BMPR1B: variants seen among roughly 807,000 people sequenced by gnomAD.
The protein encoded by BMPR1B is bone morphogenetic protein receptor type 1B, also known as bone morphogenetic protein receptor type-1B.
BMPR1B carries 12 observed loss-of-function variants against 59.1 expected under a neutral mutation model. That is an observed-to-expected ratio of 0.20 (90% CI 0.13 to 0.33). BMPR1B has a LOEUF of 0.33. Ranked by LOEUF, BMPR1B falls within the 10% of genes least tolerant of loss-of-function variation. The probability of loss-of-function intolerance (pLI) is 1.00; values close to 1 mark genes in which losing one functional copy is unlikely to be tolerated. For missense variants in BMPR1B, 550 were observed against 610.9 expected, an observed-to-expected ratio of 0.90 and a Z score of 1.05; for synonymous variants, 237 against 207.3, an observed-to-expected ratio of 1.14 and a Z score of -1.23.
chr4:94,966,846 T>C (rs935980972), intron 2 of BMPR1B, among the ~76,000 whole-genome samples: 1 of 152,182 alleles, frequency 6.6e-6, no homozygotes, highest in African/African-American at 2.4e-5. Flanking sequence ...AAGTGCTTGA[T>C]ATGGTAGATT....
chr4:95,017,451 A>G (rs983431904), intron 3 of BMPR1B, among the ~76,000 whole-genome samples: 3 of 152,192 alleles, frequency 2.0e-5, no homozygotes, highest in Non-Finnish European at 4.4e-5. Context: ...AAGCAATGTT[A>G]GTGTGGGCCA....
chr4:94,779,578 C>G (rs893181735), intron 1 of BMPR1B, among the ~76,000 whole-genome samples: 4 of 152,078 alleles, frequency 2.6e-5, no homozygotes, highest in African/African-American at 9.7e-5. Context: ...TGCCTGTAAT[C>G]CCAGCACTTT....
intron 3 of BMPR1B, among the ~76,000 whole-genome samples, chr4:95,036,380 C>T (rs1374891387): frequency 1.3e-5 from 2 of 152,134 alleles, no homozygotes; most frequent in African/African-American, 4.8e-5. Flanking sequence ...TTCCTAGTCT[C>T]TGGTAACAAA....
At chr4:94,992,246 T>C (rs1721801669) in intron 2 of BMPR1B, among the ~76,000 whole-genome samples, 1 of 152,240 alleles carries the variant, frequency 6.6e-6, no homozygotes, top group Admixed American at 6.5e-5. Context: ...AGTCCTATCT[T>C]TCTGCTACCC....
rs974120013 is a variant in BMPR1B, at chr4:94,855,406, C to T, written c.-182-20425C>T. Among the ~76,000 whole-genome samples the T allele has an allele frequency of 3.3e-5, 5 of 152,192 alleles. No homozygotes were observed. The South Asian group carries it at 1.0e-3, about 32-fold the overall frequency. ...TGGACTTAAACTCAGGTTTCTCGGA[C>T]TCTACAGCATTTGCTCTAAATTGCA... On this transcript the variant is annotated intron_variant, in intron 1 of 12. Coordinates refer to ENST00000515059, the MANE Select transcript of BMPR1B (RefSeq NM_001203.3).
intron 1 of BMPR1B, among the ~76,000 whole-genome samples, chr4:94,760,196 G>A (rs1721706269): frequency 6.6e-6 from 1 of 152,120 alleles, no homozygotes; most frequent in South Asian, 2.1e-4. Flanking sequence ...TATTTATAGG[G>A]GCTTTGCCAC....
chr4:94,774,617 TCAC>T (rs1435546661), intron 1 of BMPR1B, among the ~76,000 whole-genome samples: 1 of 152,126 alleles, frequency 6.6e-6, no homozygotes, highest in Non-Finnish European at 1.5e-5. Flanking sequence ...GATTCATAAT[TCAC>T]TTTGGGAAAA....
At chr4:94,827,585 T>G (rs776953874) in intron 1 of BMPR1B, among the ~76,000 whole-genome samples, 3 of 152,116 alleles carry the variant, frequency 2.0e-5, no homozygotes, top group Admixed American at 6.6e-5. Context: ...TTTAAAAAAT[T>G]CTATTAAATA....
chr4:94,817,166 C>A (rs916152676), intron 1 of BMPR1B, among the ~76,000 whole-genome samples: 1 of 152,194 alleles, frequency 6.6e-6, no homozygotes, highest in African/African-American at 2.4e-5. Context: ...GCTCCTTGAT[C>A]TTAGACTTCC....
intron 1 of BMPR1B, among the ~76,000 whole-genome samples, chr4:94,830,476 T>A (rs1377047054): frequency 6.6e-6 from 1 of 152,098 alleles, no homozygotes; most frequent in Non-Finnish European, 1.5e-5. Context: ...GCATCATAGA[T>A]GAGATTTGAT....
At chr4:95,135,587 A>G (rs1193160132) in intron 10 of BMPR1B, among the ~76,000 whole-genome samples, 2 of 152,164 alleles carry the variant, frequency 1.3e-5, no homozygotes, top group Admixed American at 1.3e-4. Context: ...CATCCCTTGT[A>G]AATTGGATTC....
At chr4:95,140,334 C>T (rs1734134931) in intron 10 of BMPR1B, among the ~76,000 whole-genome samples, 1 of 152,136 alleles carries the variant, frequency 6.6e-6, no homozygotes, top group Non-Finnish European at 1.5e-5. Context: ...TTTCCTAACA[C>T]CAGAGATCCT....
chr4:94,913,700 G>A (rs1479773163), intron 2 of BMPR1B, among the ~76,000 whole-genome samples: 4 of 151,980 alleles, frequency 2.6e-5, no homozygotes, highest in African/African-American at 9.7e-5. Flanking sequence ...TGATAAGCCA[G>A]GTGGTGGATG....
intron 2 of BMPR1B, among the ~76,000 whole-genome samples, chr4:94,877,441 C>A (rs3775005): frequency 6.6e-6 from 1 of 152,108 alleles, no homozygotes; most frequent in East Asian, 1.9e-4. Flanking sequence ...GATGGATTGG[C>A]CTTAGGGTTG....
At chr4:94,865,220 G>T (rs1726167652) in intron 1 of BMPR1B, among the ~76,000 whole-genome samples, 1 of 152,048 alleles carries the variant, frequency 6.6e-6, no homozygotes, top group Non-Finnish European at 1.5e-5. Flanking sequence ...TGTTGGCCAG[G>T]CTGGTCTCGA....
chr4:94,976,954 G>A (rs1170520001), intron 2 of BMPR1B, among the ~76,000 whole-genome samples: 1 of 152,080 alleles, frequency 6.6e-6, no homozygotes, highest in Non-Finnish European at 1.5e-5. Flanking sequence ...ACCTGTATTT[G>A]TAGCTGATAA....
At chr4:95,056,572 C>T (rs1726944622) in intron 3 of BMPR1B, among the ~76,000 whole-genome samples, 1 of 152,244 alleles carries the variant, frequency 6.6e-6, no homozygotes, top group Non-Finnish European at 1.5e-5. Flanking sequence ...CTATGTCTGT[C>T]TCTCTCTGAG....
chr4:94,926,078 C>T (rs1432752045), intron 2 of BMPR1B, among the ~76,000 whole-genome samples: 1 of 96,144 alleles, frequency 1.0e-5, no homozygotes, highest in Admixed American at 1.1e-4. Context: ...CCTCCCGTCT[C>T]CCTCCCCTTC....
chr4:95,135,897 A>G (rs1329279010), intron 10 of BMPR1B, among the ~76,000 whole-genome samples: 3 of 152,140 alleles, frequency 2.0e-5, no homozygotes, highest in Admixed American at 6.5e-5. Flanking sequence ...TTCCAACACT[A>G]TGTCGAATAG....
Sources: allele counts gnomAD v4.1 joint callset (sites outside exome capture counted in the v4.1 genomes callset), GRCh38; gene constraint gnomAD v4.1.1; transcripts MANE v1.5; gene names NCBI Gene and HGNC (gene_info 2026-07-23, HGNC 2026-07-21).